B3GALNT2: variants seen among roughly 807,000 people sequenced by gnomAD.
B3GALNT2 encodes beta-1,3-N-acetylgalactosaminyltransferase 2.
In B3GALNT2, 53 loss-of-function variants were observed where a neutral mutation model predicts 61.1. The observed-to-expected ratio is 0.87, with a 90% CI of 0.70 to 1.09. The LOEUF is 1.09. B3GALNT2 is among the 50% of genes least tolerant of loss of function. B3GALNT2 has a pLI of 0.00. For missense variants in B3GALNT2, 544 were observed against 623.0 expected, an observed-to-expected ratio of 0.87 and a Z score of 1.35; for synonymous variants, 223 against 237.4, an observed-to-expected ratio of 0.94 and a Z score of 0.56.
chr1:235,453,802 A>G (rs989993941), intron 10 of B3GALNT2, among the ~76,000 whole-genome samples: 1 of 152,154 alleles, frequency 6.6e-6, no homozygotes, highest in African/African-American at 2.4e-5. Context: ...GGCTCAAAAA[A>G]GATTTAGGAA....
At chr1:235,490,931 T>G (rs1341646337) in intron 2 of B3GALNT2, among the ~76,000 whole-genome samples, 4 of 152,098 alleles carry the variant, frequency 2.6e-5, no homozygotes, top group Non-Finnish European at 4.4e-5. Flanking sequence ...AGTGGAAATA[T>G]TCACACCCTA....
At chr1:235,491,148 G>A (rs767850345) in intron 2 of B3GALNT2, among the ~76,000 whole-genome samples, 1 of 150,826 alleles carries the variant, frequency 6.6e-6, no homozygotes, top group Non-Finnish European at 1.5e-5. Flanking sequence ...ACCTGATACA[G>A]CATAGAAGTC....
At chr1:235,474,500 T>C (rs910016767) in intron 5 of B3GALNT2, among the ~76,000 whole-genome samples, 1 of 152,074 alleles carries the variant, frequency 6.6e-6, no homozygotes, top group African/African-American at 2.4e-5. Flanking sequence ...AATGACTATA[T>C]ATAAAGAATT....
chr1:235,500,471 C>A (rs1262645637), intron 1 of B3GALNT2, among the ~76,000 whole-genome samples: 1 of 152,148 alleles, frequency 6.6e-6, no homozygotes, highest in African/African-American at 2.4e-5. Context: ...CAGAGTGAAA[C>A]TGTGCCTCAA....
chr1:235,493,982 G>C (rs1425819642), intron 2 of B3GALNT2, among the ~76,000 whole-genome samples: 1 of 152,132 alleles, frequency 6.6e-6, no homozygotes, highest in African/African-American at 2.4e-5. Context: ...CTAAGGCTTT[G>C]GGCCCCTAAC....
rs1311361609 is a variant in B3GALNT2, at chr1:235,504,297, G to A, written c.-45C>T. On this transcript the variant is annotated 5_prime_UTR_variant, in exon 1 of 12. Coordinates refer to ENST00000366600, the MANE Select transcript of B3GALNT2 (RefSeq NM_152490.5). ...CCGGGCTCTCCCGCGTCCCGGCGGA[G>A]AGGGAGGGGACCTGCAAGTGCGGAG... 15 of 1,475,754 alleles carry A rather than the reference G, an allele frequency of 1.0e-5. No individual in the cohort carries two copies. The highest frequency in any genetic ancestry group is 1.3e-5 in the Non-Finnish European group (14 of 1,118,226). The allele number at this position is 1,475,754 out of a possible 1,614,324, so 91.4% of individuals were successfully genotyped here.
chr1:235,460,972 G>A (rs931332475), intron 7 of B3GALNT2, among the ~76,000 whole-genome samples: 7 of 152,314 alleles, frequency 4.6e-5, no homozygotes, highest in South Asian at 2.1e-4. Flanking sequence ...CACTTGTCAC[G>A]TGTGCAGGGA....
chr1:235,487,637 A>C (rs576109451), intron 3 of B3GALNT2, among the ~76,000 whole-genome samples: 5 of 152,350 alleles, frequency 3.3e-5, no homozygotes, highest in African/African-American at 1.2e-4. Flanking sequence ...CCTAATCAGC[A>C]TATTTAAGAC....
chr1:235,446,155 C>T (rs570269497), downstream of B3GALNT2, among the ~76,000 whole-genome samples: 9 of 151,996 alleles, frequency 5.9e-5, no homozygotes, highest in South Asian at 2.1e-4. Context: ...AAATGTAGTA[C>T]GTCAATATAT....
chr1:235,443,260 G>A (rs149213460), downstream of B3GALNT2, among the ~76,000 whole-genome samples: 6 of 152,092 alleles, frequency 3.9e-5, no homozygotes, highest in Non-Finnish European at 5.9e-5. Context: ...GGAATGCAGT[G>A]GCACCAACTC....
In B3GALNT2 at chr1:235,489,152, G is replaced by GTT. The variant is rs777107553; in HGVS notation, c.361+15_361+16insAA. On this transcript the variant is annotated intron_variant, in intron 3 of 11. Transcript: ENST00000366600. The stretch of plus-strand genomic sequence containing the variant: ...ATCAAGCTTGTGTATGGCAGTCAAG[G>GTT]GAAAAGATGACTTACCTGGATTTGT... 1.2e-6 allele frequency: 2 copies of GTT among 1,612,906 alleles called. No individual in the cohort carries two copies. Among genetic ancestry groups the GTT allele is most frequent in the South Asian group, 2.2e-5 (2 of 90,860 alleles).
Position 235,447,778 on chromosome 1 carries a change from A to G in B3GALNT2, c.*2428T>C, listed in dbSNP as rs6429094. Among the ~76,000 whole-genome samples the G allele has an allele frequency of 0.13, 20,345 of 152,156 alleles. 1,715 individuals carry two copies. Among genetic ancestry groups the G allele is most frequent in the African/African-American group, 0.24 (9,815 of 41,474 alleles). On this transcript the variant is annotated 3_prime_UTR_variant, in exon 12 of 12. Transcript: ENST00000366600. ...TTTATTCAGATTAAGAAAGAAATAC[A>G]CTACTGAAATGGTATGAAACTCACT...
chr1:235,480,467 A>G (rs1395806822), intron 4 of B3GALNT2, among the ~76,000 whole-genome samples: 1 of 152,182 alleles, frequency 6.6e-6, no homozygotes, highest in Non-Finnish European at 1.5e-5. Context: ...AATTAAGCCA[A>G]CACATTATAG....
Position 235,447,724 on chromosome 1 carries a change from A to G in B3GALNT2, c.*2482T>C, listed in dbSNP as rs546786721. 1.3e-5 allele frequency among the ~76,000 whole-genome samples: 2 copies of G among 152,302 alleles called. No homozygotes were observed. The highest frequency in any genetic ancestry group is 6.5e-5 in the Admixed American group (1 of 15,300). On this transcript the variant is annotated 3_prime_UTR_variant, in exon 12 of 12. Transcript: ENST00000366600. Reference sequence around the variant, plus strand: ...AAAACGTTAATGACTCGCTCCCTTTATTCTTCTGTGCTGAGAGTATCATTC... The same window carrying G: ...AAAACGTTAATGACTCGCTCCCTTTGTTCTTCTGTGCTGAGAGTATCATTC...
In B3GALNT2 at chr1:235,448,231, A is replaced by C. The variant is rs1021560935; in HGVS notation, c.*1975T>G. 1 of 793,420 alleles carries C rather than the reference A, an allele frequency of 1.3e-6. No individual in the cohort carries two copies. The highest frequency in any genetic ancestry group is 1.8e-5 in the African/African-American group (1 of 56,688). 49.1% of individuals were successfully genotyped at this position (793,420 alleles called of 1,614,324 possible). On this transcript the variant is annotated 3_prime_UTR_variant, in exon 12 of 12. Transcript: ENST00000366600. The stretch of plus-strand genomic sequence containing the variant: ...AAGTAAGTCAGTCTCAAAAAAAAAA[A>C]AAAAAAAAAGACAGATACAGCTATC...
In B3GALNT2 at chr1:235,453,660, T is replaced by C. The variant is rs561280645; in HGVS notation, c.1311+496A>G. The stretch of plus-strand genomic sequence containing the variant: ...TAGGGTTTTGCCATGTTGGCCAGGC[T>C]GGTTTTGAACTCCTAACCTCACGTG... On this transcript the variant is annotated intron_variant, in intron 10 of 11. Coordinates refer to ENST00000366600, the MANE Select transcript of B3GALNT2 (RefSeq NM_152490.5). 2.9e-4 allele frequency among the ~76,000 whole-genome samples: 44 copies of C among 152,280 alleles called. 1 individual carries two copies. In the East Asian group the frequency reaches 4.2e-3, roughly 15 times the overall value.
At chr1:235,454,584 G>A (rs181918069) in intron 9 of B3GALNT2, among the ~76,000 whole-genome samples, 120 of 151,938 alleles carry the variant, frequency 7.9e-4, no homozygotes, top group African/African-American at 2.4e-3. Context: ...GATTACAGGC[G>A]CACACCATCA....
intron 4 of B3GALNT2, among the ~76,000 whole-genome samples, chr1:235,482,236 T>C (rs533151829): frequency 1.4e-4 from 22 of 152,226 alleles, no homozygotes; most frequent in African/African-American, 5.1e-4. Context: ...GCTCCAAATA[T>C]GCATCTCCTC....
chr1:235,485,966 C>T (rs1684787446), intron 3 of B3GALNT2, among the ~76,000 whole-genome samples: 1 of 152,112 alleles, frequency 6.6e-6, no homozygotes, highest in Non-Finnish European at 1.5e-5. Flanking sequence ...TGGCACACAC[C>T]TGTAATCCCA....
Sources: gnomAD v4.1 joint callset for allele counts (sites outside exome capture counted in the v4.1 genomes callset) on GRCh38, gnomAD v4.1.1 for gene constraint, MANE v1.5 for transcripts, NCBI Gene and HGNC (gene_info 2026-07-23, HGNC 2026-07-21) for gene names.